Variants in DCTD observed in about 807,000 individuals in gnomAD.
DCTD encodes the protein dCMP deaminase.
DCTD carries 23 observed loss-of-function variants against 21.0 expected under a neutral mutation model. The observed-to-expected ratio is 1.09, with a 90% CI of 0.79 to 1.55. The LOEUF is 1.55. DCTD is among the 40% of genes most tolerant of loss of function. The pLI is 0.00. For synonymous variants in DCTD, 71 were observed against 81.1 expected (o/e 0.88, Z 0.67); for missense variants, 224 against 230.0 (o/e 0.97, Z 0.17).
chr4:182,915,520 CT>C lies in DCTD; in HGVS notation c.48del (p.Glu17SerfsTer26). 1 of 1,613,904 alleles carries C rather than the reference CT, an allele frequency of 6.2e-7. No homozygotes were observed. Among genetic ancestry groups the C allele is most frequent in the Non-Finnish European group, 8.5e-7 (1 of 1,179,772 alleles). ...CKKRDDYLEW[P>X]EYFMAVAFLS... Reference sequence around the variant, plus strand: ...AAGAAGGCCACAGCCATAAAATACTCTGGCCATTCCAAATAGTCGTCCCGTT... The same window carrying C: ...AAGAAGGCCACAGCCATAAAATACTCGGCCATTCCAAATAGTCGTCCCGTT... On this transcript the variant is annotated frameshift_variant, in exon 2 of 6. Coordinates refer to ENST00000438320, the MANE Select transcript of DCTD (RefSeq NM_001921.3). LOFTEE classifies it high-confidence loss of function.
At chr4:182,892,251 A>G (rs1035959248) in intron 5 of DCTD, among the ~76,000 whole-genome samples, 2 of 152,182 alleles carry the variant, frequency 1.3e-5, no homozygotes, top group African/African-American at 2.4e-5. Context: ...TACAGTCCCA[A>G]AGGAATTTTC....
chr4:182,895,505 C>T (rs1000482948), intron 3 of DCTD, among the ~76,000 whole-genome samples: 1 of 152,164 alleles, frequency 6.6e-6, no homozygotes, highest in Admixed American at 6.5e-5. Context: ...CAAGGGGATC[C>T]CCTTCCTCCC....
rs116126142 is a variant in DCTD, at chr4:182,892,453, G to A, written c.458+578C>T. ...GAGGCTGAGGCAGGCAGCTCATGAG[G>A]TCATCCTGGCCAACATGGTGAAACC... On this transcript the variant is annotated intron_variant, in intron 5 of 5. Transcript: ENST00000438320. 2.7e-3 allele frequency among the ~76,000 whole-genome samples: 416 copies of A among 152,066 alleles called. 2 individuals are homozygous for A. Among genetic ancestry groups the A allele is most frequent in the African/African-American group, 9.2e-3 (382 of 41,478 alleles).
chr4:182,913,782 T>A (rs1281080929), intron 3 of DCTD, among the ~76,000 whole-genome samples: 2 of 152,154 alleles, frequency 1.3e-5, no homozygotes, highest in East Asian at 3.9e-4. Flanking sequence ...TTTCCAGCAT[T>A]GCTTGCATAT....
chr4:182,898,160 T>C (rs753280406), intron 3 of DCTD, among the ~76,000 whole-genome samples: 5 of 152,244 alleles, frequency 3.3e-5, no homozygotes, highest in African/African-American at 7.2e-5. Context: ...AACAGGCACC[T>C]GCCAAATCCA....
At chr4:182,902,699 G>A (rs1359679352) in intron 3 of DCTD, among the ~76,000 whole-genome samples, 1 of 151,100 alleles carries the variant, frequency 6.6e-6, no homozygotes, top group Non-Finnish European at 1.5e-5. Flanking sequence ...GTTGCAAACT[G>A]GCCTGCACTG....
Position 182,917,166 on chromosome 4 carries a change from G to A in DCTD, c.-8+145C>T. ...GCCCGCATTCTCCGATCTAAAGGCTGAGCGCGGCCGAGGCGCCCCCAGCGT... is the reference window on the plus strand; with the variant it reads ...GCCCGCATTCTCCGATCTAAAGGCTAAGCGCGGCCGAGGCGCCCCCAGCGT... On this transcript the variant is annotated intron_variant, in intron 1 of 5. Transcript: ENST00000438320. The surrounding 1 kb of genome is among the most constrained non-coding windows in gnomAD (Gnocchi z 4.9). The A allele has an allele frequency of 2.0e-6, 2 of 989,140 alleles. No homozygotes were observed. The highest frequency in any genetic ancestry group is 2.4e-6 in the Non-Finnish European group (2 of 832,874). The allele number at this position is 989,140 out of a possible 1,614,324, so 61.3% of individuals were successfully genotyped here.
intron 3 of DCTD, among the ~76,000 whole-genome samples, chr4:182,904,195 C>G (rs1736247513): frequency 1.3e-5 from 2 of 152,158 alleles, no homozygotes; most frequent in African/African-American, 4.8e-5. Context: ...AAAGAGATTT[C>G]TGACTGTGGT....
chr4:182,916,989 A>C, intron 1 of DCTD: 3 of 990,240 alleles, frequency 3.0e-6, no homozygotes, highest in Non-Finnish European at 3.6e-6. Context: ...CGGCATTCCC[A>C]ACCCACACAC....
intron 3 of DCTD, among the ~76,000 whole-genome samples, chr4:182,910,807 G>A (rs541558464): frequency 1.3e-5 from 2 of 152,212 alleles, no homozygotes; most frequent in South Asian, 4.1e-4. Flanking sequence ...TCCCAAGACT[G>A]GAAGAACAAA....
At position 182,894,561 on chromosome 4, in the gene DCTD, C is replaced by G; in HGVS notation, c.289G>C (p.Asp97His). 1 of 1,614,120 alleles carries G rather than the reference C, an allele frequency of 6.2e-7. No homozygotes were observed. Among genetic ancestry groups the G allele is most frequent in the Non-Finnish European group, 8.5e-7 (1 of 1,179,974 alleles). Residue 97 changes from aspartate to histidine, a missense_variant, in exon 4 of 6, where the codon GAT (aspartate) becomes CAT (histidine). Asp to His is a moderately conservative substitution (Grantham distance 81). Transcript: ENST00000438320. ...LNAIMNKNST[D>H]VKGCSMYVAL... ...ACATACATACTACAGCCTTTCACAT[C>G]GGTCGAATTTTTGTTCATGATGGCA...
intron 3 of DCTD, among the ~76,000 whole-genome samples, chr4:182,909,187 A>G (rs1012480058): frequency 2.0e-5 from 3 of 152,218 alleles, no homozygotes; most frequent in African/African-American, 7.2e-5. Flanking sequence ...AAAATAAATT[A>G]TATTAAAATA....
intron 3 of DCTD, among the ~76,000 whole-genome samples, chr4:182,908,082 A>C (rs1267904175): frequency 6.6e-6 from 1 of 152,196 alleles, no homozygotes; most frequent in Non-Finnish European, 1.5e-5. Flanking sequence ...AGCAATACAA[A>C]CATTTGCAAA....
At chr4:182,916,454 C>A in intron 1 of DCTD, 1 of 985,604 alleles carries the variant, frequency 1.0e-6, no homozygotes, top group Non-Finnish European at 1.2e-6. Context: ...GGAATGTGGT[C>A]TAAAGGAAGG....
intron 3 of DCTD, among the ~76,000 whole-genome samples, chr4:182,908,573 A>G (rs942916555): frequency 6.6e-6 from 1 of 150,944 alleles, no homozygotes; most frequent in Admixed American, 6.6e-5. Context: ...TCACACAGCT[A>G]CTCCGAGGCT....
intron 3 of DCTD, among the ~76,000 whole-genome samples, chr4:182,904,653 A>G (rs960590894): frequency 2.6e-5 from 4 of 152,114 alleles, no homozygotes; most frequent in Non-Finnish European, 4.4e-5. Flanking sequence ...AGCTCCTGAC[A>G]CTGCCCTACA....
intron 5 of DCTD, 22 bp downstream of exon 5, chr4:182,893,009 C>T (rs749086007): frequency 1.8e-5 from 27 of 1,505,168 alleles, no homozygotes; most frequent in East Asian, 4.5e-5. Flanking sequence ...CCCGTCCCCC[C>T]GCCCGCATTC....
chr4:182,915,152 A>C, intron 2 of DCTD, 94 bp from the exon 3 acceptor site: 3 of 1,495,728 alleles, frequency 2.0e-6, no homozygotes, highest in Non-Finnish European at 2.8e-6. Flanking sequence ...TGCAGAACTC[A>C]AAACAGACGC....
intron 3 of DCTD, among the ~76,000 whole-genome samples, chr4:182,913,875 C>T (rs1738175615): frequency 6.6e-6 from 1 of 152,224 alleles, no homozygotes; most frequent in South Asian, 2.1e-4. Flanking sequence ...GGGGCTTAGA[C>T]AGGCAACAAA....
Sources: gnomAD v4.1 joint callset for allele counts (sites outside exome capture counted in the v4.1 genomes callset) on GRCh38, gnomAD v4.1.1 for gene constraint, Gnocchi (gnomAD v3.1) non-coding constraint, MANE v1.5 for transcripts, NCBI Gene and HGNC (gene_info 2026-07-23, HGNC 2026-07-21) for gene names.